Variants in ARL3 observed in about 807,000 individuals in gnomAD.
ARL3 encodes the protein ADP-ribosylation factor-like protein 3.
Under a neutral mutation model 26.0 loss-of-function variants are expected in ARL3, and 9 were observed. That is an observed-to-expected ratio of 0.35 (90% CI 0.21 to 0.60). The LOEUF (loss-of-function observed/expected upper bound fraction) is 0.60, where lower values mean the gene tolerates loss of function less well. ARL3 is among the 20% of genes least tolerant of loss of function. The probability of loss-of-function intolerance (pLI) is 0.78; values close to 1 mark genes in which losing one functional copy is unlikely to be tolerated. For missense variants in ARL3, 158 were observed against 215.7 expected, an observed-to-expected ratio of 0.73 and a Z score of 1.67; for synonymous variants, 71 against 78.4, an observed-to-expected ratio of 0.91 and a Z score of 0.50.
At chr10:102,697,221 C>G (rs889214153) in intron 3 of ARL3, among the ~76,000 whole-genome samples, 1 of 151,262 alleles carries the variant, frequency 6.6e-6, no homozygotes, top group Non-Finnish European at 1.5e-5. Flanking sequence ...GCTGTGTTGC[C>G]CAGGCTGGAG....
intron 3 of ARL3, among the ~76,000 whole-genome samples, chr10:102,698,555 G>A (rs2064262017): frequency 6.6e-6 from 1 of 152,164 alleles, no homozygotes; most frequent in Non-Finnish European, 1.5e-5. Flanking sequence ...ATGCAAGTAT[G>A]TGGCTGAGGT....
chr10:102,682,270 T>A (rs1348734303), intron 5 of ARL3, among the ~76,000 whole-genome samples: 2 of 150,840 alleles, frequency 1.3e-5, no homozygotes, highest in African/African-American at 4.8e-5. Flanking sequence ...AGATTGATGA[T>A]CTCCTTCTGC....
At chr10:102,696,267 A>AT (rs370113114) in intron 3 of ARL3, among the ~76,000 whole-genome samples, 88,940 of 133,540 alleles carry the variant, frequency 0.67, 29,872 homozygotes, top group South Asian at 0.86. Context: ...CCTGGCCAAC[A>AT]TTTTTTTTTT....
At chr10:102,710,631 G>A (rs975884282) in intron 1 of ARL3, among the ~76,000 whole-genome samples, 4 of 152,112 alleles carry the variant, frequency 2.6e-5, no homozygotes, top group African/African-American at 7.2e-5. Context: ...TGAGCAAAAC[G>A]GGCATGATCT....
intron 2 of ARL3, among the ~76,000 whole-genome samples, chr10:102,701,891 G>T (rs1328025929): frequency 6.6e-6 from 1 of 152,006 alleles, no homozygotes; most frequent in Non-Finnish European, 1.5e-5. Context: ...CTATTATTAA[G>T]TGAACAAGAG....
chr10:102,698,565 T>C (rs1037992633), intron 3 of ARL3, among the ~76,000 whole-genome samples: 1 of 152,002 alleles, frequency 6.6e-6, no homozygotes, highest in African/African-American at 2.4e-5. Context: ...GTGGCTGAGG[T>C]AGAGTAGATG....
chr10:102,713,052 T>TA (rs1464934340), intron 1 of ARL3, among the ~76,000 whole-genome samples: 1 of 145,950 alleles, frequency 6.9e-6, no homozygotes, highest in African/African-American at 2.5e-5. Context: ...AACATACATC[T>TA]ATTTTTTTTT....
At chr10:102,700,441 T>C (rs112512506) in intron 2 of ARL3, among the ~76,000 whole-genome samples, 138 of 143,996 alleles carry the variant, frequency 9.6e-4, no homozygotes, top group Middle Eastern at 3.6e-3. Context: ...TAGGGAACTA[T>C]GATGAACTTG....
In ARL3 at chr10:102,676,672, G is replaced by A. The variant is rs1019997449; in HGVS notation, c.*222C>T. Reference sequence around the variant, plus strand: ...TTTAATACTATTTCAATTATGCAGAGGAAATAATATAATTCCTTTATTTGA... The same window carrying A: ...TTTAATACTATTTCAATTATGCAGAAGAAATAATATAATTCCTTTATTTGA... On this transcript the variant is annotated 3_prime_UTR_variant, in exon 6 of 6. Coordinates refer to ENST00000260746, the MANE Select transcript of ARL3 (RefSeq NM_004311.4). 3 of 492,648 alleles carry A rather than the reference G, an allele frequency of 6.1e-6. No individual in the cohort carries two copies. Among genetic ancestry groups the A allele is most frequent in the Non-Finnish European group, 1.1e-5 (3 of 276,452 alleles). 30.5% of individuals were successfully genotyped at this position (492,648 alleles called of 1,614,324 possible). A position where few individuals can be genotyped will look rare whatever the true frequency, so the allele number is the denominator to read the frequency against.
chr10:102,708,116 G>A lies in ARL3; in HGVS notation c.4-2627C>T, dbSNP rs536715751. ...TTTTGTAGAGATGGGGTTTTGCCAT[G>A]TTGCCCAGGCTGGTCTTGAACTCCT... On this transcript the variant is annotated intron_variant, in intron 1 of 5. Coordinates refer to ENST00000260746, the MANE Select transcript of ARL3 (RefSeq NM_004311.4). 2.0e-5 allele frequency among the ~76,000 whole-genome samples: 3 copies of A among 152,046 alleles called. No homozygotes were observed. In the South Asian group the frequency reaches 6.2e-4, roughly 32 times the overall value.
At chr10:102,686,045 C>T (rs767890413) in intron 4 of ARL3, 44 bp from the exon 5 acceptor site, 3 of 1,361,710 alleles carry the variant, frequency 2.2e-6, no homozygotes, top group Non-Finnish European at 3.1e-6. Flanking sequence ...AAAATCTATA[C>T]ATCTATGATA....
At chr10:102,702,132 A>C (rs1416071666) in intron 2 of ARL3, among the ~76,000 whole-genome samples, 1 of 152,066 alleles carries the variant, frequency 6.6e-6, no homozygotes, top group Non-Finnish European at 1.5e-5. Flanking sequence ...TTGAGGCTGC[A>C]GTGAGCTATG....
At chr10:102,677,763 G>T (rs1421096304) in intron 5 of ARL3, among the ~76,000 whole-genome samples, 1 of 152,108 alleles carries the variant, frequency 6.6e-6, no homozygotes, top group African/African-American at 2.4e-5. Context: ...ACCTTCAAGA[G>T]TGTGTGGAGT....
At chr10:102,682,167 T>G (rs1265799526) in intron 5 of ARL3, among the ~76,000 whole-genome samples, 1 of 152,106 alleles carries the variant, frequency 6.6e-6, no homozygotes, top group East Asian at 1.9e-4. Context: ...ATTTTTCAGT[T>G]TCTCCTCTTT....
Position 102,714,366 on chromosome 10 carries a change from G to T in ARL3, c.-91C>A, listed in dbSNP as rs1354567837. 9.8e-6 allele frequency: 12 copies of T among 1,219,916 alleles called. No homozygotes were observed. The highest frequency in any genetic ancestry group is 1.3e-5 in the Non-Finnish European group (12 of 955,970). 75.6% of individuals were successfully genotyped at this position (1,219,916 alleles called of 1,614,324 possible). The stretch of plus-strand genomic sequence containing the variant: ...TGCGGCGCCGCCCCCGACGTCCCTC[G>T]CACGCACAGCTGAGGAGCTGAGCAG... On this transcript the variant is annotated 5_prime_UTR_variant, in exon 1 of 6. Transcript: ENST00000260746.
chr10:102,674,039 T>G lies in ARL3; in HGVS notation c.*2855A>C, dbSNP rs1037522013. On this transcript the variant is annotated 3_prime_UTR_variant, in exon 6 of 6. Coordinates refer to ENST00000260746, the MANE Select transcript of ARL3 (RefSeq NM_004311.4). ...GTGTCACCCTCCAGGCCAGGCCGGA[T>G]AAGGAGCGGCCAACAGTGAGGGTGG... 1 of 151,836 alleles carries G rather than the reference T, an allele frequency of 6.6e-6. No homozygotes were observed. The highest frequency in any genetic ancestry group is 1.5e-5 in the Non-Finnish European group (1 of 67,906). 9.4% of individuals were successfully genotyped at this position (151,836 alleles called of 1,614,324 possible). A position where few individuals can be genotyped will look rare whatever the true frequency, so the allele number is the denominator to read the frequency against.
chr10:102,699,629 T>A, intron 2 of ARL3, 140 bp from the exon 3 acceptor site: 1 of 595,648 alleles, frequency 1.7e-6, no homozygotes, highest in Non-Finnish European at 3.0e-6. Context: ...AAATGATTTG[T>A]TGTGACAGAG....
intron 3 of ARL3, among the ~76,000 whole-genome samples, chr10:102,698,237 TG>T (rs1259441216): frequency 1.3e-5 from 2 of 151,980 alleles, no homozygotes; most frequent in Admixed American, 1.3e-4. Context: ...AGTATCACTC[TG>T]TCTTCCAGGC....
intron 2 of ARL3, among the ~76,000 whole-genome samples, chr10:102,700,770 CTTTTTTT>C (rs34708600): frequency 2.0e-5 from 2 of 98,638 alleles, no homozygotes; most frequent in Non-Finnish European, 3.9e-5. Context: ...AGCCGGAAGT[CTTTTTTT>C]TTTTTTTTTT....
Sources: gnomAD v4.1 joint callset for allele counts (sites outside exome capture counted in the v4.1 genomes callset) on GRCh38, gnomAD v4.1.1 for gene constraint, MANE v1.5 for transcripts, NCBI Gene and HGNC (gene_info 2026-07-23, HGNC 2026-07-21) for gene names.